Variants in COL23A1 observed in about 807,000 individuals in gnomAD.
COL23A1 encodes the protein collagen type XXIII alpha 1 chain, also known as collagen alpha-1(XXIII) chain.
In COL23A1, 97 loss-of-function variants were observed where a neutral mutation model predicts 99.3. The observed-to-expected ratio is 0.98, with a 90% CI of 0.83 to 1.16. The LOEUF is 1.16. Among genes scored for constraint, COL23A1 ranks in the 50% most tolerant of loss-of-function variants. The pLI, the probability that COL23A1 is intolerant of heterozygous loss-of-function variation, is 0.00. For synonymous variants in COL23A1, 320 were observed against 308.2 expected (o/e 1.04, Z -0.40); for missense variants, 762 against 757.4 (o/e 1.01, Z -0.07).
intron 2 of COL23A1, among the ~76,000 whole-genome samples, chr5:178,329,413 G>A (rs1320622148): frequency 6.6e-6 from 1 of 152,114 alleles, no homozygotes; most frequent in Non-Finnish European, 1.5e-5. Flanking sequence ...CCACAAGCCA[G>A]GCCCCAGGCT....
chr5:178,305,226 A>C (rs1435100401), intron 3 of COL23A1, among the ~76,000 whole-genome samples: 1 of 152,216 alleles, frequency 6.6e-6, no homozygotes, highest in Non-Finnish European at 1.5e-5. Context: ...CCAGAAGTCA[A>C]GGCAGAGAGA....
chr5:178,583,994 G>A (rs548278447), intron 1 of COL23A1, among the ~76,000 whole-genome samples: 18 of 152,230 alleles, frequency 1.2e-4, no homozygotes, highest in African/African-American at 3.9e-4. Context: ...GTCTCGAGGA[G>A]CTGGTCTACA....
At chr5:178,263,090 G>A in intron 9 of COL23A1, 118 bp downstream of exon 9, 1 of 814,754 alleles carries the variant, frequency 1.2e-6, no homozygotes, top group Non-Finnish European at 2.2e-6. Context: ...TCTGGATTAG[G>A]GTTAAGGATA....
intron 2 of COL23A1, among the ~76,000 whole-genome samples, chr5:178,312,291 G>A (rs1758737986): frequency 6.6e-6 from 1 of 152,170 alleles, no homozygotes; most frequent in Non-Finnish European, 1.5e-5. Context: ...ATTTCAGGGT[G>A]CCAGGTCTAG....
At position 178,258,260 on chromosome 5, in the gene COL23A1, T is replaced by TAC. The variant is rs1325886525; in HGVS notation, c.730-694_730-693insGT. The stretch of plus-strand genomic sequence containing the variant: ...AAATATATATATATATATATATATA[T>TAC]ATACACATGCAAATCAATTCTAGGC... On this transcript the variant is annotated intron_variant, in intron 12 of 28. Transcript: ENST00000390654. Among the ~76,000 whole-genome samples, 396 of 89,020 alleles carry TAC rather than the reference T, an allele frequency of 4.4e-3. 58 individuals carry two copies. The highest frequency in any genetic ancestry group is 8.1e-3 in the Non-Finnish European group (279 of 34,564). The allele number at this position is 89,020 out of a possible 152,430, so 58.4% of individuals were successfully genotyped here.
rs1266243816 is a variant in COL23A1 at position 178,571,584 on chromosome 5, A to G, written c.295-10836T>C. ...TTCAGCATCTCATGAGGTAAAAGTC[A>G]TCATGTCTGGCAGAAGAATAAGAAG... On this transcript the variant is annotated intron_variant, in intron 1 of 28. Transcript: ENST00000390654. Among the ~76,000 whole-genome samples the G allele has an allele frequency of 2.2e-5, 3 of 137,066 alleles. No homozygotes were observed. In the East Asian group the frequency reaches 6.2e-4, roughly 28 times the overall value. 89.9% of individuals were successfully genotyped at this position (137,066 alleles called of 152,430 possible).
chr5:178,340,978 C>T lies in COL23A1; in HGVS notation c.362-34059G>A, dbSNP rs897916096. Among the ~76,000 whole-genome samples the T allele has an allele frequency of 6.6e-6, 1 of 152,204 alleles. No homozygotes were observed. The highest frequency in any genetic ancestry group is 2.4e-5 in the African/African-American group (1 of 41,440). ...ACCTCATACTGACCATACCCACCAG[C>T]TCTATTTCCCCCATTATGAAGATGG... On this transcript the variant is annotated intron_variant, in intron 2 of 28. Transcript: ENST00000390654. The surrounding 1 kb of genome is among the most constrained non-coding windows in gnomAD (Gnocchi z 4.7).
At chr5:178,245,215 T>TCATC (rs141224583) in intron 25 of COL23A1, among the ~76,000 whole-genome samples, 2 of 142,274 alleles carry the variant, frequency 1.4e-5, no homozygotes, top group African/African-American at 2.6e-5. Context: ...TCATCATCTA[T>TCATC]CATCCATCCA....
intron 2 of COL23A1, among the ~76,000 whole-genome samples, chr5:178,368,682 C>G (rs1360389803): frequency 6.6e-6 from 1 of 152,052 alleles, no homozygotes; most frequent in Non-Finnish European, 1.5e-5. Context: ...CTCCAGAAGC[C>G]GTCAGCCTCC....
chr5:178,508,550 C>G (rs601534), intron 2 of COL23A1, among the ~76,000 whole-genome samples: 89,863 of 151,990 alleles, frequency 0.59, 27,248 homozygotes, highest in East Asian at 0.88. Context: ...GTTGCTGTCA[C>G]GTGGGGTGGA....
chr5:178,394,940 C>G, intron 2 of COL23A1, among the ~76,000 whole-genome samples: 1 of 101,134 alleles, frequency 9.9e-6, no homozygotes, highest in East Asian at 3.2e-4. Flanking sequence ...TCTGGGCATT[C>G]GGCTCTCAGC....
intron 2 of COL23A1, among the ~76,000 whole-genome samples, chr5:178,398,245 G>A (rs1277568620): frequency 6.6e-6 from 1 of 152,224 alleles, no homozygotes; most frequent in Non-Finnish European, 1.5e-5. Flanking sequence ...ACATGCTGTG[G>A]CGTTCAGATG....
chr5:178,544,153 C>G lies in COL23A1; in HGVS notation c.361+16529G>C, dbSNP rs1270502298. 1.3e-5 allele frequency among the ~76,000 whole-genome samples: 2 copies of G among 152,102 alleles called. No homozygotes were observed. Among genetic ancestry groups the G allele is most frequent in the Non-Finnish European group, 2.9e-5 (2 of 68,004 alleles). On this transcript the variant is annotated intron_variant, in intron 2 of 28. Transcript: ENST00000390654. The surrounding 1 kb of genome is among the most constrained non-coding windows in gnomAD (Gnocchi z 4.4). Reference sequence around the variant, plus strand: ...TGTCCCTCCTTACACTCTCCCTCCTCCTGCAAGCACTCTTCCCACCTGAGT... The same window carrying G: ...TGTCCCTCCTTACACTCTCCCTCCTGCTGCAAGCACTCTTCCCACCTGAGT...
chr5:178,484,963 G>A lies in COL23A1; in HGVS notation c.361+75719C>T, dbSNP rs149568118. ...GTTAGGTTCTGGCCAAGGACCCCCA[G>A]TGCCTAGCAAAGTGGGCATCCAATA... On this transcript the variant is annotated intron_variant, in intron 2 of 28. Transcript: ENST00000390654. Among the ~76,000 whole-genome samples, 983 of 152,248 alleles carry A rather than the reference G, an allele frequency of 6.5e-3. 13 individuals are homozygous for A. The highest frequency in any genetic ancestry group is 0.02 in the African/African-American group (848 of 41,532).
rs1173209648 is a variant in COL23A1 at position 178,384,850 on chromosome 5, C to T, written c.362-77931G>A. ...GCCTTTTCCTAAAGCATTAAAAGGTCCGTAACAGAAAAGCGGGAAATAGCC... is the reference window on the plus strand; with the variant it reads ...GCCTTTTCCTAAAGCATTAAAAGGTTCGTAACAGAAAAGCGGGAAATAGCC... On this transcript the variant is annotated intron_variant, in intron 2 of 28. Transcript: ENST00000390654. This position sits in a 1 kb window ranked among gnomAD's most constrained non-coding sequence, Gnocchi z 5.5. Among the ~76,000 whole-genome samples, 1 of 152,202 alleles carries T rather than the reference C, an allele frequency of 6.6e-6. No homozygotes were observed. The highest frequency in any genetic ancestry group is 2.4e-5 in the African/African-American group (1 of 41,444).
chr5:178,239,476 G>A (rs1581424821), intron 27 of COL23A1, among the ~76,000 whole-genome samples: 1 of 152,222 alleles, frequency 6.6e-6, no homozygotes, highest in Admixed American at 6.5e-5. Context: ...GATGAGCATT[G>A]TGCCAGACAT....
At chr5:178,486,956 G>T (rs1757664093) in intron 2 of COL23A1, among the ~76,000 whole-genome samples, 1 of 152,120 alleles carries the variant, frequency 6.6e-6, no homozygotes, top group African/African-American at 2.4e-5. Flanking sequence ...CCCCACCCTC[G>T]GCCACATCAA....
chr5:178,298,459 T>G (rs1757864866), intron 3 of COL23A1, among the ~76,000 whole-genome samples: 1 of 152,116 alleles, frequency 6.6e-6, no homozygotes, highest in Admixed American at 6.5e-5. Flanking sequence ...GAGGAGTCTT[T>G]CCCATAGCCT....
intron 2 of COL23A1, among the ~76,000 whole-genome samples, chr5:178,364,798 C>T (rs2127710544): frequency 6.6e-6 from 1 of 152,308 alleles, no homozygotes; most frequent in East Asian, 1.9e-4. Context: ...CATGACTCTG[C>T]TGATGAACTG....
Sources: allele counts gnomAD v4.1 joint callset (sites outside exome capture counted in the v4.1 genomes callset), GRCh38; gene constraint gnomAD v4.1.1; non-coding constraint Gnocchi (gnomAD v3.1); transcripts MANE v1.5; gene names NCBI Gene and HGNC (gene_info 2026-07-23, HGNC 2026-07-21).